The following SLCO3A1 variants were observed in gnomAD, a reference collection of about 807,000 sequenced individuals.
SLCO3A1 encodes solute carrier organic anion transporter family member 3A1.
Under a neutral mutation model 63.1 loss-of-function variants are expected in SLCO3A1, and 27 were observed. The ratio of observed to expected loss-of-function variants is 0.43; its 90% CI spans 0.32 to 0.59. The LOEUF is 0.59. Ranked by LOEUF, SLCO3A1 falls within the 20% of genes least tolerant of loss-of-function variation. The pLI is 0.09. For synonymous variants in SLCO3A1, 473 were observed against 409.9 expected (o/e 1.15, Z -1.86); for missense variants, 773 against 945.8 (o/e 0.82, Z 2.40).
In SLCO3A1 at chr15:91,948,425, G is replaced by C. The variant is rs1174316067; in HGVS notation, c.646+31967G>C. ...TCCTATTCCTGCAGATAAGCCTACA[G>C]GCTCTGTAGGAGTGCCGGCATGCAC... On this transcript the variant is annotated intron_variant, in intron 2 of 9. Coordinates refer to ENST00000318445, the MANE Select transcript of SLCO3A1 (RefSeq NM_013272.4). This position sits in a 1 kb window ranked among gnomAD's most constrained non-coding sequence, Gnocchi z 4.8. 1.3e-5 allele frequency among the ~76,000 whole-genome samples: 2 copies of C among 152,220 alleles called. No individual in the cohort carries two copies. Among genetic ancestry groups the C allele is most frequent in the Non-Finnish European group, 2.9e-5 (2 of 68,038 alleles).
chr15:92,036,420 C>G (rs1477243378), intron 2 of SLCO3A1, among the ~76,000 whole-genome samples: 2 of 149,394 alleles, frequency 1.3e-5, no homozygotes, highest in Non-Finnish European at 3.0e-5. Context: ...CTGAAAATTC[C>G]ACTTCGCCAA....
chr15:92,042,379 CTG>C (rs2046810484), intron 2 of SLCO3A1, among the ~76,000 whole-genome samples: 1 of 152,228 alleles, frequency 6.6e-6, no homozygotes, highest in South Asian at 2.1e-4. Flanking sequence ...TCAGCTATGA[CTG>C]TTTTATTATG....
chr15:91,919,358 G>A (rs1898765945), intron 2 of SLCO3A1, among the ~76,000 whole-genome samples: 1 of 152,236 alleles, frequency 6.6e-6, no homozygotes, highest in South Asian at 2.1e-4. Flanking sequence ...GTCCTTTCCA[G>A]TGTGGGAGGG....
At chr15:92,139,844 G>T (rs1485939083) in intron 7 of SLCO3A1, among the ~76,000 whole-genome samples, 2 of 149,406 alleles carry the variant, frequency 1.3e-5, no homozygotes, top group African/African-American at 2.5e-5. Context: ...ATTTTTTATT[G>T]TGTCTATTTG....
chr15:92,165,258 A>G lies in SLCO3A1; in HGVS notation c.*2123A>G. 1 of 985,452 alleles carries G rather than the reference A, an allele frequency of 1.0e-6. No homozygotes were observed. Among genetic ancestry groups the G allele is most frequent in the Non-Finnish European group, 1.2e-6 (1 of 829,918 alleles). The allele number at this position is 985,452 out of a possible 1,614,324, so 61.0% of individuals were successfully genotyped here. A position where few individuals can be genotyped will look rare whatever the true frequency, so the allele number is the denominator to read the frequency against. On this transcript the variant is annotated 3_prime_UTR_variant, in exon 10 of 10. Transcript: ENST00000318445. Reference sequence around the variant, plus strand: ...GCTTAGTGTTAGTATGTCCTTGCTTATGAAAATGGGGACACTCATCAGTAC... The same window carrying G: ...GCTTAGTGTTAGTATGTCCTTGCTTGTGAAAATGGGGACACTCATCAGTAC...
chr15:91,961,263 A>T (rs1393872478), intron 2 of SLCO3A1, among the ~76,000 whole-genome samples: 1 of 152,254 alleles, frequency 6.6e-6, no homozygotes, highest in Non-Finnish European at 1.5e-5. Flanking sequence ...CAAGGATTTG[A>T]TAACAAAGGC....
At chr15:92,041,674 AT>A (rs945377154) in intron 2 of SLCO3A1, among the ~76,000 whole-genome samples, 21 of 152,256 alleles carry the variant, frequency 1.4e-4, no homozygotes, top group Middle Eastern at 3.4e-3. Flanking sequence ...TCTTCCACTT[AT>A]TTAGAGCCTG....
At chr15:91,987,216 G>A (rs951022412) in intron 2 of SLCO3A1, among the ~76,000 whole-genome samples, 5 of 152,096 alleles carry the variant, frequency 3.3e-5, no homozygotes, top group African/African-American at 9.7e-5. Context: ...GCGTTGTGTC[G>A]GTAGGTGCCA....
intron 2 of SLCO3A1, among the ~76,000 whole-genome samples, chr15:92,044,176 G>T (rs1242188181): frequency 2.0e-5 from 3 of 151,982 alleles, no homozygotes; most frequent in Admixed American, 6.6e-5. Context: ...ACACTCTCCT[G>T]TCTTGGCTTC....
intron 2 of SLCO3A1, among the ~76,000 whole-genome samples, chr15:92,069,094 C>T (rs375714565): frequency 0.02 from 508 of 25,334 alleles, 7 homozygotes; most frequent in African/African-American, 0.06. Context: ...AGGGCTCCCC[C>T]CGCCCCCCCC....
chr15:91,867,617 C>T (rs1174187155), intron 1 of SLCO3A1, among the ~76,000 whole-genome samples: 2 of 151,908 alleles, frequency 1.3e-5, no homozygotes, highest in African/African-American at 4.8e-5. Flanking sequence ...CAGGAAATGT[C>T]TCCAAACAAA....
intron 2 of SLCO3A1, among the ~76,000 whole-genome samples, chr15:91,974,884 C>G (rs1901038156): frequency 6.6e-6 from 1 of 152,142 alleles, no homozygotes; most frequent in African/African-American, 2.4e-5. Context: ...GCAAATCTTG[C>G]TGGCACTAGA....
At chr15:92,171,885 C>G in exon 11 of SLCO3A1, 1 of 1,527,724 alleles carries the variant, frequency 6.5e-7, no homozygotes. Context: ...CTTCCTCTTC[C>G]TGGAGAGAAC....
chr15:91,884,260 G>A (rs762392978), intron 1 of SLCO3A1, among the ~76,000 whole-genome samples: 3 of 152,200 alleles, frequency 2.0e-5, no homozygotes, highest in African/African-American at 7.2e-5. Flanking sequence ...CTGTAATCCA[G>A]CATTTTGGGA....
At chr15:91,889,160 C>T in intron 1 of SLCO3A1, 1 of 1,286,652 alleles carries the variant, frequency 7.8e-7, no homozygotes, top group Non-Finnish European at 1.0e-6. Context: ...CTTATTGTTC[C>T]TTGACTGATG....
chr15:92,155,728 T>C (rs7497448), intron 9 of SLCO3A1, among the ~76,000 whole-genome samples: 58,995 of 151,488 alleles, frequency 0.39, 11,902 homozygotes, highest in African/African-American at 0.48. Context: ...TCTATTGAGA[T>C]CCCCCCAACC....
intron 3 of SLCO3A1, among the ~76,000 whole-genome samples, chr15:92,101,288 C>T (rs1171191754): frequency 6.6e-6 from 1 of 152,168 alleles, no homozygotes; most frequent in Non-Finnish European, 1.5e-5. Context: ...GCGGGTGGAT[C>T]ACCTGAGGTC....
chr15:92,082,268 G>C (rs1442885255), intron 2 of SLCO3A1, among the ~76,000 whole-genome samples: 1 of 152,172 alleles, frequency 6.6e-6, no homozygotes, highest in Non-Finnish European at 1.5e-5. Context: ...CTCCCTCTGA[G>C]GGGAGAACTT....
At chr15:91,891,248 T>G (rs1897863188) in intron 1 of SLCO3A1, among the ~76,000 whole-genome samples, 2 of 152,154 alleles carry the variant, frequency 1.3e-5, no homozygotes, top group South Asian at 4.1e-4. Context: ...TCAGGAATAT[T>G]GCCAGCAGAA....
Sources: allele counts gnomAD v4.1 joint callset (sites outside exome capture counted in the v4.1 genomes callset), GRCh38; gene constraint gnomAD v4.1.1; non-coding constraint Gnocchi (gnomAD v3.1); transcripts MANE v1.5; gene names NCBI Gene and HGNC (gene_info 2026-07-23, HGNC 2026-07-21).